Variants in LMBR1 observed in about 807,000 individuals in gnomAD.
LMBR1 encodes limb development membrane protein 1.
A neutral mutation model predicts 73.9 loss-of-function variants in LMBR1; 52 were observed. The ratio of observed to expected loss-of-function variants is 0.70; its 90% CI spans 0.56 to 0.89. The LOEUF is 0.89. Among genes scored for constraint, LMBR1 ranks in the 40% least tolerant of loss-of-function variants. The probability of loss-of-function intolerance (pLI) is 0.00; values close to 1 mark genes in which losing one functional copy is unlikely to be tolerated. For missense variants in LMBR1, 539 were observed against 579.8 expected (o/e 0.93, Z 0.72); for synonymous variants, 215 against 209.4 (o/e 1.03, Z -0.23).
At chr7:156,695,714 G>C (rs1047051226) in intron 15 of LMBR1, among the ~76,000 whole-genome samples, 3 of 152,026 alleles carry the variant, frequency 2.0e-5, no homozygotes, top group African/African-American at 7.3e-5. Flanking sequence ...CATGAGATCT[G>C]GGTGAGGACA....
chr7:156,890,781 G>A (rs1586505823), intron 1 of LMBR1, among the ~76,000 whole-genome samples: 1 of 152,174 alleles, frequency 6.6e-6, no homozygotes, highest in South Asian at 2.1e-4. Flanking sequence ...TTGGAAAATT[G>A]TTTTAAAGTA....
intron 7 of LMBR1, among the ~76,000 whole-genome samples, chr7:156,762,762 A>ATG (rs1490601921): frequency 6.6e-6 from 1 of 152,018 alleles, no homozygotes; most frequent in African/African-American, 2.4e-5. Flanking sequence ...AGGCTATAGC[A>ATG]TGTGTGTATG....
intron 12 of LMBR1, among the ~76,000 whole-genome samples, chr7:156,726,921 A>C (rs1387802495): frequency 6.6e-6 from 1 of 151,946 alleles, no homozygotes; most frequent in Admixed American, 6.6e-5. Flanking sequence ...CCGGTTTATA[A>C]TCATTAGATC....
At chr7:156,782,288 G>A (rs1012905876) in intron 5 of LMBR1, among the ~76,000 whole-genome samples, 1 of 152,194 alleles carries the variant, frequency 6.6e-6, no homozygotes, top group Non-Finnish European at 1.5e-5. Context: ...GGGTGTACAT[G>A]TATGTGTTGG....
chr7:156,764,860 C>A (rs1402510604), intron 5 of LMBR1, among the ~76,000 whole-genome samples: 1 of 152,156 alleles, frequency 6.6e-6, no homozygotes, highest in Non-Finnish European at 1.5e-5. Context: ...GTATACCTAG[C>A]CCTAAATGAT....
chr7:156,718,773 G>A (rs923906397), intron 15 of LMBR1, among the ~76,000 whole-genome samples: 2 of 151,946 alleles, frequency 1.3e-5, no homozygotes, highest in African/African-American at 4.8e-5. Context: ...CAGATAGCTA[G>A]AGGTCTTTAT....
intron 1 of LMBR1, among the ~76,000 whole-genome samples, chr7:156,875,272 G>GA (rs1430680914): frequency 1.3e-5 from 2 of 152,002 alleles, no homozygotes; most frequent in Admixed American, 1.3e-4. Flanking sequence ...ATAAGAGAAA[G>GA]AAAAAAGTAA....
intron 1 of LMBR1, among the ~76,000 whole-genome samples, chr7:156,841,328 C>A (rs923923181): frequency 1.3e-5 from 2 of 151,962 alleles, no homozygotes; most frequent in African/African-American, 4.8e-5. Context: ...GGATAAAAAT[C>A]TGTACCATTC....
chr7:156,852,977 C>G (rs1201780564), intron 1 of LMBR1, among the ~76,000 whole-genome samples: 2 of 150,004 alleles, frequency 1.3e-5, no homozygotes, highest in Non-Finnish European at 3.0e-5. Flanking sequence ...CTCAATCTGT[C>G]GCCCAGGCTG....
intron 5 of LMBR1, among the ~76,000 whole-genome samples, chr7:156,781,069 A>T (rs1042820272): frequency 1.3e-5 from 2 of 152,240 alleles, no homozygotes; most frequent in African/African-American, 4.8e-5. Context: ...GCAGAAGACC[A>T]TCTTAGCCAA....
intron 15 of LMBR1, among the ~76,000 whole-genome samples, chr7:156,707,582 G>T (rs942137424): frequency 6.6e-6 from 1 of 152,164 alleles, no homozygotes; most frequent in Admixed American, 6.5e-5. Context: ...GTCAGTAAAT[G>T]TGATATATCA....
chr7:156,766,238 TG>T (rs900825539), intron 5 of LMBR1, among the ~76,000 whole-genome samples: 1 of 152,022 alleles, frequency 6.6e-6, no homozygotes, highest in Non-Finnish European at 1.5e-5. Flanking sequence ...TTAGAGATAG[TG>T]TATCTCTGAA....
chr7:156,849,049 T>C (rs1362957933), intron 1 of LMBR1, among the ~76,000 whole-genome samples: 1 of 151,680 alleles, frequency 6.6e-6, no homozygotes, highest in Non-Finnish European at 1.5e-5. Flanking sequence ...TAAAGACACA[T>C]ACATGCATTA....
intron 15 of LMBR1, among the ~76,000 whole-genome samples, chr7:156,714,643 G>C (rs1216967463): frequency 6.6e-6 from 1 of 152,176 alleles, no homozygotes; most frequent in East Asian, 1.9e-4. Context: ...CACTTCCACT[G>C]TGCATGTGTG....
intron 5 of LMBR1, among the ~76,000 whole-genome samples, chr7:156,764,908 T>C (rs768689215): frequency 7.2e-5 from 11 of 152,146 alleles, no homozygotes; most frequent in Admixed American, 3.9e-4. Context: ...TACTAGTCCT[T>C]CAACAATATC....
intron 2 of LMBR1, chr7:156,834,671 T>C (rs1422717341): frequency 6.0e-6 from 1 of 167,930 alleles, no homozygotes; most frequent in African/African-American, 2.4e-5. Flanking sequence ...ATATATACAA[T>C]TATAAATATA....
At chr7:156,724,945 C>G (rs1815410199) in intron 14 of LMBR1, among the ~76,000 whole-genome samples, 1 of 152,130 alleles carries the variant, frequency 6.6e-6, no homozygotes, top group African/African-American at 2.4e-5. Context: ...CGGCAACAGC[C>G]TTTTTATTCT....
intron 1 of LMBR1, among the ~76,000 whole-genome samples, chr7:156,859,179 T>G (rs10254304): frequency 0.078 from 11,515 of 148,368 alleles, 498 homozygotes; most frequent in East Asian, 0.14. Context: ...ATCCAGGAGG[T>G]GGAGGTTGCA....
chr7:156,802,214 C>G (rs965378568), intron 4 of LMBR1, among the ~76,000 whole-genome samples: 1 of 152,196 alleles, frequency 6.6e-6, no homozygotes, highest in East Asian at 1.9e-4. Flanking sequence ...AACCCCTGAC[C>G]TCAGGTGATC....
Sources: allele counts gnomAD v4.1 joint callset (sites outside exome capture counted in the v4.1 genomes callset), GRCh38; gene constraint gnomAD v4.1.1; transcripts MANE v1.5; gene names NCBI Gene and HGNC (gene_info 2026-07-23, HGNC 2026-07-21).